LTV1: variants seen among roughly 807,000 people sequenced by gnomAD.
LTV1 encodes the protein LTV1 ribosome biogenesis factor.
In LTV1, 39 loss-of-function variants were observed where a neutral mutation model predicts 59.9. That is an observed-to-expected ratio of 0.65 (90% CI 0.50 to 0.85). The LOEUF (loss-of-function observed/expected upper bound fraction) is 0.85. LTV1 is among the 40% of genes least tolerant of loss of function. The pLI is 0.00. For missense variants in LTV1, 493 were observed against 549.1 expected, an observed-to-expected ratio of 0.90 and a Z score of 1.02; for synonymous variants, 171 against 189.5, an observed-to-expected ratio of 0.90 and a Z score of 0.80.
chr6:143,844,636 CCAGT>C lies in LTV1; in HGVS notation c.135+24_135+27del, dbSNP rs1481483024. The stretch of plus-strand genomic sequence containing the variant: ...ACAAAAAGTAGGTCCTGTTCTTTAG[CCAGT>C]CAGTTTGTAGGTAGACAATAGTTTT... On this transcript the variant is annotated intron_variant, in intron 2 of 10. Transcript: ENST00000367576. 1 of 1,602,254 alleles carries C rather than the reference CCAGT, an allele frequency of 6.2e-7. No individual in the cohort carries two copies. The highest frequency in any genetic ancestry group is 8.5e-7 in the Non-Finnish European group (1 of 1,176,476).
At chr6:143,860,695 A>G in intron 7 of LTV1, 142 bp downstream of exon 7, 4 of 726,744 alleles carry the variant, frequency 5.5e-6, no homozygotes, top group South Asian at 3.1e-5. Context: ...AAAGGAAAAA[A>G]GAAAAGGGGA....
Position 143,863,442 on chromosome 6 carries a change from A to C in LTV1, c.1343A>C (p.Asn448Thr). 2 of 1,613,844 alleles carry C rather than the reference A, an allele frequency of 1.2e-6. No individual in the cohort carries two copies. The highest frequency in any genetic ancestry group is 1.7e-6 in the Non-Finnish European group (2 of 1,179,830). The change falls in exon 11 of 11, where the codon AAC (asparagine) becomes ACC (threonine). Residue 448 changes from asparagine (N) to threonine (T), a missense_variant. By Grantham distance (65) the Asn-to-Thr change is moderately conservative. Transcript: ENST00000367576. The surrounding 1 kb of genome is among the most constrained non-coding windows in gnomAD (Gnocchi z 4.5). ...RKERRVEKKANKLAFKLEKRR... is the reference protein window; with the variant it reads ...RKERRVEKKATKLAFKLEKRR... The stretch of plus-strand genomic sequence containing the variant: ...GAACGAAGAGTGGAGAAGAAAGCTA[A>C]CAAATTAGCATTTAAACTGGAGAAA...
intron 1 of LTV1, among the ~76,000 whole-genome samples, chr6:143,844,186 C>T (rs1446290350): frequency 6.6e-6 from 1 of 152,144 alleles, no homozygotes; most frequent in Non-Finnish European, 1.5e-5. Context: ...CTTATATTTT[C>T]TTCACCGGAA....
chr6:143,851,423 C>CATAT (rs34227056), intron 4 of LTV1, among the ~76,000 whole-genome samples: 8 of 151,540 alleles, frequency 5.3e-5, no homozygotes, highest in Admixed American at 2.6e-4. Context: ...AAAAATTGTT[C>CATAT]GAGTTATTTT....
At position 143,863,282 on chromosome 6, in the gene LTV1, G is replaced by A. The variant is rs201630595; in HGVS notation, c.1313G>A (p.Arg438His). The A allele has an allele frequency of 3.2e-5, 51 of 1,612,602 alleles. No homozygotes were observed. Among genetic ancestry groups the A allele is most frequent in the Admixed American group, 2.5e-4 (15 of 59,764 alleles). ...AGAAAGCAAGCTATAAAAGAAGAGC[G>A]CAAGGTAAAATATATTTTTCAAATG... ...RARKQAIKEERKERRVEKKAN... is the reference protein window; with the variant it reads ...RARKQAIKEEHKERRVEKKAN... The change falls in exon 10 of 11, where the codon CGC becomes CAC. Residue 438 changes from arginine (R) to histidine (H), a missense_variant. Coordinates refer to ENST00000367576, the MANE Select transcript of LTV1 (RefSeq NM_032860.5). The surrounding 1 kb of genome is among the most constrained non-coding windows in gnomAD (Gnocchi z 4.5).
chr6:143,844,608 C>G lies in LTV1; in HGVS notation c.126C>G (p.Pro42=). The G allele has an allele frequency of 6.2e-7, 1 of 1,612,998 alleles. No homozygotes were observed. The change falls in exon 2 of 11, where the codon CCC becomes CCG. Residue 42 remains proline (P), a synonymous_variant. Coordinates refer to ENST00000367576, the MANE Select transcript of LTV1 (RefSeq NM_032860.5). ...DESAPQRVLL[P]TQKIDNEERR... ...GTGCACCCCAGAGGGTTCTATTGCCCACACAAAAAGTAGGTCCTGTTCTTT... is the reference window on the plus strand; with the variant it reads ...GTGCACCCCAGAGGGTTCTATTGCCGACACAAAAAGTAGGTCCTGTTCTTT...
In LTV1 at chr6:143,863,251, AG is replaced by A; in HGVS notation, c.1283del (p.Arg428LysfsTer7). ...RSKNESKEDK[R>X]ARKQAIKEER... ...TAAAAATGAAAGCAAAGAAGATAAA[AG>A]AGCAAGAAAGCAAGCTATAAAAGAA... On this transcript the variant is annotated frameshift_variant, in exon 10 of 11. Transcript: ENST00000367576. LOFTEE classifies it high-confidence loss of function. This position sits in a 1 kb window ranked among gnomAD's most constrained non-coding sequence, Gnocchi z 4.5. 6.2e-7 allele frequency: 1 copy of A among 1,614,010 alleles called. No homozygotes were observed. Among genetic ancestry groups the A allele is most frequent in the Non-Finnish European group, 8.5e-7 (1 of 1,179,940 alleles).
At position 143,857,299 on chromosome 6, in the gene LTV1, C is replaced by A. The variant is rs1359366885; in HGVS notation, c.398-4C>A. 2 of 1,613,510 alleles carry A rather than the reference C, an allele frequency of 1.2e-6. No homozygotes were observed. The highest frequency in any genetic ancestry group is 1.7e-6 in the Non-Finnish European group (2 of 1,179,570). On this transcript the variant is annotated splice_polypyrimidine_tract_variant and splice_region_variant and intron_variant, in intron 4 of 10. Coordinates refer to ENST00000367576, the MANE Select transcript of LTV1 (RefSeq NM_032860.5). This position sits in a 1 kb window ranked among gnomAD's most constrained non-coding sequence, Gnocchi z 5.2. The stretch of plus-strand genomic sequence containing the variant: ...TTACTGCTTAATTTTTGTTTTCCTT[C>A]TAGGACCTCGACTGGATTTTGATCC...
intron 6 of LTV1, among the ~76,000 whole-genome samples, chr6:143,859,237 G>A (rs1035334354): frequency 6.6e-6 from 1 of 152,196 alleles, no homozygotes; most frequent in South Asian, 2.1e-4. Flanking sequence ...ATTTGGTTCT[G>A]TTGTAACAGA....
rs1297817122 is a variant in LTV1 at position 143,849,444 on chromosome 6, A to T, written c.310-687A>T. On this transcript the variant is annotated intron_variant, in intron 3 of 10. Coordinates refer to ENST00000367576, the MANE Select transcript of LTV1 (RefSeq NM_032860.5). ...TTGAATCCCAGAATCTCACTTACTG[A>T]TCATTCTCAGGCAGGTGGGCCATTT... Among the ~76,000 whole-genome samples, 4 of 152,192 alleles carry T rather than the reference A, an allele frequency of 2.6e-5. No individual in the cohort carries two copies. In the East Asian group the frequency reaches 7.7e-4, roughly 29 times the overall value.
At position 143,857,187 on chromosome 6, in the gene LTV1, C is replaced by A. The variant is rs1777090764; in HGVS notation, c.398-116C>A. ...AGACTGAACTTAGTTCTTAATCGTT[C>A]TTTTATCCTCAATATATTAATAGAC... is the stretch of plus-strand genomic sequence containing the variant. On this transcript the variant is annotated intron_variant, in intron 4 of 10. Coordinates refer to ENST00000367576, the MANE Select transcript of LTV1 (RefSeq NM_032860.5). The surrounding 1 kb of genome is among the most constrained non-coding windows in gnomAD (Gnocchi z 5.2). The A allele has an allele frequency of 1.6e-6, 2 of 1,245,148 alleles. No individual in the cohort carries two copies. Among genetic ancestry groups the A allele is most frequent in the South Asian group, 1.4e-5 (1 of 69,382 alleles). 77.1% of individuals were successfully genotyped at this position (1,245,148 alleles called of 1,614,324 possible).
Position 143,846,042 on chromosome 6 carries a change from C to T in LTV1, c.136-9C>T, listed in dbSNP as rs747503924. On this transcript the variant is annotated splice_polypyrimidine_tract_variant and intron_variant, in intron 2 of 10. Transcript: ENST00000367576. Reference sequence around the variant, plus strand: ...AGTGAAGAAAGTACTAATTCCATTTCGTTTATAGATAGACAATGAAGAAAG... The same window carrying T: ...AGTGAAGAAAGTACTAATTCCATTTTGTTTATAGATAGACAATGAAGAAAG... 4.3e-6 allele frequency: 7 copies of T among 1,609,710 alleles called. No homozygotes were observed. The highest frequency in any genetic ancestry group is 2.2e-5 in the East Asian group (1 of 44,842).
At chr6:143,852,062 G>A (rs1022381371) in intron 4 of LTV1, among the ~76,000 whole-genome samples, 4 of 152,188 alleles carry the variant, frequency 2.6e-5, no homozygotes, top group African/African-American at 9.7e-5. Context: ...ATAGTAGAAT[G>A]ATTTATTATC....
At chr6:143,850,281 A>C (rs1776961693) in intron 4 of LTV1, 63 bp downstream of exon 4, 2 of 1,282,976 alleles carry the variant, frequency 1.6e-6, no homozygotes, top group Admixed American at 3.6e-5. Flanking sequence ...TAAAGAAATG[A>C]TGTAGGATTT....
At chr6:143,850,622 A>G (rs1164575433) in intron 4 of LTV1, among the ~76,000 whole-genome samples, 2 of 152,358 alleles carry the variant, frequency 1.3e-5, no homozygotes, top group Non-Finnish European at 1.5e-5. Context: ...ATCTACACAT[A>G]TATTGGGGGA....
chr6:143,850,580 A>G (rs1275934164), intron 4 of LTV1, among the ~76,000 whole-genome samples: 2 of 152,242 alleles, frequency 1.3e-5, no homozygotes, highest in Non-Finnish European at 2.9e-5. Flanking sequence ...TCCCCAGAGC[A>G]TACAGGTATT....
At position 143,863,538 on chromosome 6, in the gene LTV1, A is replaced by T; in HGVS notation, c.*11A>T. ...GGTCTAAAGCTATAGACAGTGGAGCATACAGGGCAAGGCACTTTATTAGGG... is the reference window on the plus strand; with the variant it reads ...GGTCTAAAGCTATAGACAGTGGAGCTTACAGGGCAAGGCACTTTATTAGGG... On this transcript the variant is annotated 3_prime_UTR_variant, in exon 11 of 11. Coordinates refer to ENST00000367576, the MANE Select transcript of LTV1 (RefSeq NM_032860.5). The surrounding 1 kb of genome is among the most constrained non-coding windows in gnomAD (Gnocchi z 4.5). 6.3e-7 allele frequency: 1 copy of T among 1,589,676 alleles called. No homozygotes were observed. Among genetic ancestry groups the T allele is most frequent in the Non-Finnish European group, 8.6e-7 (1 of 1,160,496 alleles).
intron 2 of LTV1, among the ~76,000 whole-genome samples, 171 bp from the exon 3 acceptor site, chr6:143,845,880 G>A (rs184716381): frequency 1.3e-5 from 2 of 152,226 alleles, no homozygotes; most frequent in Middle Eastern, 3.4e-3. Context: ...TTTCCTGTTT[G>A]TCAAGAATTC....
intron 7 of LTV1, 60 bp downstream of exon 7, chr6:143,860,613 A>G: frequency 6.7e-7 from 1 of 1,489,736 alleles, no homozygotes; most frequent in Non-Finnish European, 9.0e-7. Context: ...AAAAAATTCC[A>G]AAGAAAGGTC....
Sources: gnomAD v4.1 joint callset for allele counts (sites outside exome capture counted in the v4.1 genomes callset) on GRCh38, gnomAD v4.1.1 for gene constraint, Gnocchi (gnomAD v3.1) non-coding constraint, MANE v1.5 for transcripts, NCBI Gene and HGNC (gene_info 2026-07-23, HGNC 2026-07-21) for gene names.